Variants in PACS1 observed in about 807,000 individuals in gnomAD.
PACS1 encodes PACS-1.
Under a neutral mutation model 115.0 loss-of-function variants are expected in PACS1, and 24 were observed. That is an observed-to-expected ratio of 0.21 (90% CI 0.15 to 0.29). PACS1 has a LOEUF of 0.29. Among genes scored for constraint, PACS1 ranks in the 10% least tolerant of loss-of-function variants. PACS1 has a pLI of 1.00. For missense variants in PACS1, 838 were observed against 1,251.2 expected, an observed-to-expected ratio of 0.67 and a Z score of 4.98; for synonymous variants, 453 against 504.5, an observed-to-expected ratio of 0.90 and a Z score of 1.37.
At chr11:66,086,138 T>G (rs990385833) in intron 1 of PACS1, among the ~76,000 whole-genome samples, 1 of 147,096 alleles carries the variant, frequency 6.8e-6, no homozygotes, top group African/African-American at 2.5e-5. Context: ...TGATTTCTTT[T>G]TTTTTTTTTT....
chr11:66,208,251 C>T (rs1324924906), intron 2 of PACS1, among the ~76,000 whole-genome samples: 2 of 152,162 alleles, frequency 1.3e-5, no homozygotes, highest in Non-Finnish European at 2.9e-5. Context: ...ACCATTTCAA[C>T]AGAAACAGCT....
chr11:66,217,563 A>G (rs370275560), intron 7 of PACS1: 15 of 456,120 alleles, frequency 3.3e-5, no homozygotes, highest in Non-Finnish European at 6.2e-5. Flanking sequence ...CCCTTCAGGG[A>G]TGAAACGGAG....
rs1450939869 is a variant in PACS1 at position 66,070,773 on chromosome 11, C to T, written c.287C>T (p.Pro96Leu). The T allele has an allele frequency of 1.3e-6, 2 of 1,535,566 alleles. No individual in the cohort carries two copies. Among genetic ancestry groups the T allele is most frequent in the Non-Finnish European group, 1.7e-6 (2 of 1,148,196 alleles). ...PPGGPGPGRT[P>L]APVQMNLYAT... is the part of the protein sequence containing the mutation. ...GGTGGCCCGGGGCCAGGCCGCACCC[C>T]CGCCCCGGTGCAGATGAACCTGTAC... Residue 96 changes from proline (P) to leucine (L), a missense_variant, in exon 1 of 24, where the codon CCC (proline) becomes CTC (leucine). Transcript: ENST00000320580. This position sits in a 1 kb window ranked among gnomAD's most constrained non-coding sequence, Gnocchi z 5.9.
At chr11:66,166,170 CAG>C (rs2134632839) in intron 1 of PACS1, among the ~76,000 whole-genome samples, 1 of 151,804 alleles carries the variant, frequency 6.6e-6, no homozygotes, top group Non-Finnish European at 1.5e-5. Context: ...GTTTTTGAGA[CAG>C]AGTCTTACTC....
intron 1 of PACS1, among the ~76,000 whole-genome samples, chr11:66,102,377 G>A (rs1857937863): frequency 6.6e-6 from 1 of 150,952 alleles, no homozygotes; most frequent in African/African-American, 2.4e-5. Flanking sequence ...CAGGCTGGAG[G>A]GCAGTGGTGC....
intron 3 of PACS1, 83 bp downstream of exon 3, chr11:66,210,534 A>G: frequency 9.9e-7 from 1 of 1,013,632 alleles, no homozygotes; most frequent in East Asian, 2.4e-5. Context: ...AGACTGTTTT[A>G]TCCCAGAGCC....
chr11:66,129,455 ATATTAT>A (rs71455707), intron 1 of PACS1, among the ~76,000 whole-genome samples: 13,037 of 140,322 alleles, frequency 0.093, 1,037 homozygotes, highest in African/African-American at 0.21. Flanking sequence ...GGTTTAAAAA[ATATTAT>A]TATTATTATT....
chr11:66,129,082 G>C (rs994399099), intron 1 of PACS1, among the ~76,000 whole-genome samples: 2 of 152,046 alleles, frequency 1.3e-5, no homozygotes, highest in African/African-American at 4.8e-5. Flanking sequence ...ATTTAAATGT[G>C]TGTATTTTAT....
intron 1 of PACS1, among the ~76,000 whole-genome samples, chr11:66,120,211 G>A (rs925629835): frequency 3.5e-5 from 5 of 142,394 alleles, no homozygotes; most frequent in Non-Finnish European, 7.5e-5. Flanking sequence ...GCAGTGGCAC[G>A]ATCTCGGCTC....
At chr11:66,234,109 A>G (rs778255491) in intron 16 of PACS1, 23 bp from the exon 17 acceptor site, 103 of 1,574,024 alleles carry the variant, frequency 6.5e-5, no homozygotes, top group Non-Finnish European at 8.7e-5. Flanking sequence ...CGAATTCACC[A>G]CCTCTGGTTT....
At chr11:66,074,146 A>G (rs955997492) in intron 1 of PACS1, among the ~76,000 whole-genome samples, 5 of 152,086 alleles carry the variant, frequency 3.3e-5, no homozygotes, top group Non-Finnish European at 5.9e-5. Context: ...TGGAAAGCAC[A>G]AAGGAAAAAG....
At chr11:66,137,744 G>GT (rs1858880907) in intron 1 of PACS1, among the ~76,000 whole-genome samples, 1 of 152,118 alleles carries the variant, frequency 6.6e-6, no homozygotes, top group South Asian at 2.1e-4. Context: ...ATTACTCACT[G>GT]TTTCCTATTT....
At chr11:66,200,141 G>C (rs772669471) in intron 2 of PACS1, among the ~76,000 whole-genome samples, 1 of 152,082 alleles carries the variant, frequency 6.6e-6, no homozygotes, top group East Asian at 1.9e-4. Flanking sequence ...CTTGAGCTCA[G>C]GGGTTTGAGA....
chr11:66,205,783 C>G (rs1453541230), intron 2 of PACS1, among the ~76,000 whole-genome samples: 1 of 151,844 alleles, frequency 6.6e-6, no homozygotes, highest in Non-Finnish European at 1.5e-5. Context: ...CATGAGCCAC[C>G]ACATTCAGCA....
intron 10 of PACS1, among the ~76,000 whole-genome samples, chr11:66,225,764 A>G (rs922443061): frequency 6.6e-6 from 1 of 152,234 alleles, no homozygotes; most frequent in Non-Finnish European, 1.5e-5. Flanking sequence ...CACCCAGTTC[A>G]TTCTCTTTAA....
At chr11:66,211,304 A>G (rs780361715) in intron 4 of PACS1, 45 bp downstream of exon 4, 1 of 1,603,724 alleles carries the variant, frequency 6.2e-7, no homozygotes, top group Non-Finnish European at 8.5e-7. Context: ...TGAGTCACAG[A>G]GCCCAAGGGA....
chr11:66,143,083 G>T (rs549078517), intron 1 of PACS1, among the ~76,000 whole-genome samples: 1 of 152,178 alleles, frequency 6.6e-6, no homozygotes, highest in East Asian at 1.9e-4. Flanking sequence ...CTGCAGTAAG[G>T]TGGTGCTGTT....
chr11:66,220,820 C>T, intron 9 of PACS1, 29 bp downstream of exon 9: 1 of 1,608,686 alleles, frequency 6.2e-7, no homozygotes, highest in African/African-American at 1.3e-5. Context: ...AGCTGGCCTC[C>T]AGACTCTCCT....
chr11:66,185,909 T>TA (rs1854352649), intron 1 of PACS1, among the ~76,000 whole-genome samples: 1 of 152,132 alleles, frequency 6.6e-6, no homozygotes, highest in Non-Finnish European at 1.5e-5. Context: ...TACTTAAAGA[T>TA]AGGTTCACCT....
Sources: allele counts gnomAD v4.1 joint callset (sites outside exome capture counted in the v4.1 genomes callset), GRCh38; gene constraint gnomAD v4.1.1; non-coding constraint Gnocchi (gnomAD v3.1); transcripts MANE v1.5; gene names NCBI Gene and HGNC (gene_info 2026-07-23, HGNC 2026-07-21).